The following ZC3H14 variants were observed in gnomAD, a reference collection of about 807,000 sequenced individuals.
ZC3H14 encodes zinc finger CCCH-type containing 14.
ZC3H14 carries 31 observed loss-of-function variants against 92.4 expected under a neutral mutation model. The observed-to-expected ratio is 0.34, with a 90% confidence interval of 0.25 to 0.45. The LOEUF is 0.45. ZC3H14 is among the 20% of genes least tolerant of loss of function. ZC3H14 has a pLI of 1.00. For synonymous variants in ZC3H14, 321 were observed against 300.9 expected, an observed-to-expected ratio of 1.07 and a Z score of -0.69; for missense variants, 781 against 897.3, an observed-to-expected ratio of 0.87 and a Z score of 1.66.
rs752877992 is a variant in ZC3H14 at position 88,624,945 on chromosome 14, T to G, written c.*13194T>G. ...CAGGTAGGTCACAAATGCATAAATATTCTGTGAAAAGAAAGAGGACTCACG... is the reference window on the plus strand; with the variant it reads ...CAGGTAGGTCACAAATGCATAAATAGTCTGTGAAAAGAAAGAGGACTCACG... On this transcript the variant is annotated 3_prime_UTR_variant, in exon 17 of 17. Transcript: ENST00000251038. 1.9e-6 allele frequency: 3 copies of G among 1,611,374 alleles called. No individual in the cohort carries two copies. The South Asian group carries it at 3.3e-5, about 18-fold the overall frequency.
chr14:88,599,669 G>T (rs961978019), intron 10 of ZC3H14, among the ~76,000 whole-genome samples: 62 of 152,242 alleles, frequency 4.1e-4, no homozygotes, highest in African/African-American at 1.4e-3. Context: ...TCATTCTCAT[G>T]TGTCAGCGCA....
At chr14:88,580,489 ATAAAT>A (rs1566921816) in intron 9 of ZC3H14, among the ~76,000 whole-genome samples, 1 of 152,234 alleles carries the variant, frequency 6.6e-6, no homozygotes, top group Non-Finnish European at 1.5e-5. Flanking sequence ...CAATTTAAAA[ATAAAT>A]AAAATTAAAA....
intron 10 of ZC3H14, among the ~76,000 whole-genome samples, chr14:88,601,042 G>C (rs548660197): frequency 6.6e-6 from 1 of 152,164 alleles, no homozygotes; most frequent in African/African-American, 2.4e-5. Context: ...TCCTTGCTAA[G>C]CTTTTCGTTG....
At chr14:88,574,879 A>G (rs898669919) in intron 7 of ZC3H14, 26 bp downstream of exon 7, 4 of 1,613,836 alleles carry the variant, frequency 2.5e-6, no homozygotes, top group African/African-American at 2.7e-5. Context: ...CTGTAAATTA[A>G]TCTTTAACTG....
chr14:88,588,428 T>G (rs1309555980), intron 9 of ZC3H14, among the ~76,000 whole-genome samples: 7 of 152,212 alleles, frequency 4.6e-5, no homozygotes, highest in Non-Finnish European at 8.8e-5. Flanking sequence ...AGGTACAGAA[T>G]TATAGGTTGA....
At chr14:88,592,370 A>G (rs899605849) in intron 9 of ZC3H14, 1 of 152,198 alleles carries the variant, frequency 6.6e-6, no homozygotes, top group Non-Finnish European at 1.5e-5. Context: ...GAACTGATTC[A>G]TAAAGTGGAG....
intron 4 of ZC3H14, 48 bp from the exon 5 acceptor site, chr14:88,571,982 A>T (rs773928529): frequency 7.2e-7 from 1 of 1,391,890 alleles, no homozygotes; most frequent in Non-Finnish European, 9.6e-7. Context: ...TAAATAAATA[A>T]AAATAAGAAA....
At chr14:88,563,230 A>T in intron 1 of ZC3H14, 61 bp downstream of exon 1, 1 of 1,569,526 alleles carries the variant, frequency 6.4e-7, no homozygotes, top group South Asian at 1.2e-5. Context: ...GGTTGTCAGG[A>T]GTAACGGGGA....
intron 9 of ZC3H14, chr14:88,592,143 C>T (rs1413714565): frequency 6.6e-6 from 1 of 152,036 alleles, no homozygotes; most frequent in Non-Finnish European, 1.5e-5. Flanking sequence ...TCTTGTTTCT[C>T]TGTGACCCGT....
intron 14 of ZC3H14, 37 bp from the exon 15 acceptor site, chr14:88,609,671 CCAAA>C (rs1391857161): frequency 6.2e-7 from 1 of 1,610,334 alleles, no homozygotes; most frequent in East Asian, 2.2e-5. Flanking sequence ...AATGGGTTTT[CCAAA>C]CAGATTGGAG....
In ZC3H14 at chr14:88,622,350, G is replaced by C; in HGVS notation, c.*10599G>C. On this transcript the variant is annotated 3_prime_UTR_variant, in exon 17 of 17. Transcript: ENST00000251038. ...AGGGCTTTCAATTATGTCTACTAGAGTTGTTAAATTGGCAGATTCTAGAAA... is the reference window on the plus strand; with the variant it reads ...AGGGCTTTCAATTATGTCTACTAGACTTGTTAAATTGGCAGATTCTAGAAA... 3.0e-6 allele frequency: 1 copy of C among 335,520 alleles called. No individual in the cohort carries two copies. The highest frequency in any genetic ancestry group is 5.4e-6 in the Non-Finnish European group (1 of 186,228). The allele number at this position is 335,520 out of a possible 1,614,324, so 20.8% of individuals were successfully genotyped here.
chr14:88,609,914 G>A (rs1320463952), intron 15 of ZC3H14, 111 bp downstream of exon 15: 5 of 1,201,200 alleles, frequency 4.2e-6, no homozygotes, highest in Non-Finnish European at 6.0e-6. Context: ...TGCGATTTTT[G>A]CCAGTAAAAC....
intron 9 of ZC3H14, among the ~76,000 whole-genome samples, chr14:88,578,829 C>T (rs1212353399): frequency 6.9e-6 from 1 of 144,566 alleles, no homozygotes; most frequent in African/African-American, 2.6e-5. Context: ...CTTTCTCCCC[C>T]AATTCCTATA....
At chr14:88,582,901 T>G (rs1190624266) in intron 9 of ZC3H14, among the ~76,000 whole-genome samples, 1 of 152,156 alleles carries the variant, frequency 6.6e-6, no homozygotes, top group Non-Finnish European at 1.5e-5. Context: ...GTTAATTTTT[T>G]TTCTTCTTTT....
At chr14:88,577,660 T>TTA (rs762285014) in intron 8 of ZC3H14, among the ~76,000 whole-genome samples, 15 of 151,808 alleles carry the variant, frequency 9.9e-5, no homozygotes, top group Non-Finnish European at 1.5e-4. Context: ...ACCTCCGCCT[T>TTA]CCGGGTTTAA....
At chr14:88,591,923 T>G (rs1357784574) in intron 9 of ZC3H14, 1 of 152,248 alleles carries the variant, frequency 6.6e-6, no homozygotes, top group African/African-American at 2.4e-5. Context: ...ACTAGTTGAT[T>G]TAACCTTTCT....
chr14:88,616,864 C>A lies in ZC3H14; in HGVS notation c.*5113C>A. 2 of 1,613,790 alleles carry A rather than the reference C, an allele frequency of 1.2e-6. No homozygotes were observed. Among genetic ancestry groups the A allele is most frequent in the Non-Finnish European group, 1.7e-6 (2 of 1,179,782 alleles). ...CATGTCTGGACCAGATTCCCAAAAC[C>A]TCATCTCCTAGAATACTAGAGGGAA... On this transcript the variant is annotated 3_prime_UTR_variant, in exon 17 of 17. Transcript: ENST00000251038.
chr14:88,602,664 G>T (rs2084814946), intron 11 of ZC3H14, among the ~76,000 whole-genome samples, 164 bp from the exon 12 acceptor site: 1 of 152,134 alleles, frequency 6.6e-6, no homozygotes, highest in Non-Finnish European at 1.5e-5. Flanking sequence ...TCGTGTGTTA[G>T]CAGAGAACCC....
chr14:88,603,162 T>C, intron 12 of ZC3H14, 102 bp downstream of exon 12: 1 of 1,153,972 alleles, frequency 8.7e-7, no homozygotes, highest in Admixed American at 2.0e-5. Context: ...CTTGCTTTTA[T>C]TTATATTCAG....
Sources: gnomAD v4.1 joint callset for allele counts (sites outside exome capture counted in the v4.1 genomes callset) on GRCh38, gnomAD v4.1.1 for gene constraint, MANE v1.5 for transcripts, NCBI Gene and HGNC (gene_info 2026-07-23, HGNC 2026-07-21) for gene names.